Variants in EYS observed in about 807,000 individuals in gnomAD.
The protein encoded by EYS is protein eyes shut homolog.
Under a neutral mutation model 282.1 loss-of-function variants are expected in EYS, and 250 were observed. That is an observed-to-expected ratio of 0.89 (90% CI 0.80 to 0.98). EYS has a LOEUF of 0.98. EYS is among the 50% of genes least tolerant of loss of function. The pLI is 0.00. For missense variants in EYS, 4,016 were observed against 3,709.0 expected (o/e 1.08, Z -2.15); for synonymous variants, 1,355 against 1,282.9 (o/e 1.06, Z -1.20).
At chr6:65,005,954 C>T (rs1307412042) in intron 13 of EYS, among the ~76,000 whole-genome samples, 1 of 152,194 alleles carries the variant, frequency 6.6e-6, no homozygotes, top group East Asian at 1.9e-4. Flanking sequence ...GAATCTACTT[C>T]CTCTGATCCC....
At chr6:64,731,404 T>G (rs1463971744) in intron 22 of EYS, among the ~76,000 whole-genome samples, 3 of 152,076 alleles carry the variant, frequency 2.0e-5, no homozygotes, top group Admixed American at 1.3e-4. Context: ...GGAAAACATT[T>G]TTGCAATCCA....
At chr6:65,167,681 TG>T (rs959236412) in intron 12 of EYS, among the ~76,000 whole-genome samples, 4 of 151,198 alleles carry the variant, frequency 2.6e-5, no homozygotes, top group Admixed American at 2.6e-4. Flanking sequence ...AGTACCTGTT[TG>T]GGGCAACTAT....
intron 12 of EYS, among the ~76,000 whole-genome samples, chr6:65,275,659 G>A (rs1473690599): frequency 1.3e-5 from 2 of 152,128 alleles, no homozygotes; most frequent in Non-Finnish European, 2.9e-5. Flanking sequence ...GGCTGTTTCT[G>A]TAGCCAATGG....
intron 5 of EYS, among the ~76,000 whole-genome samples, chr6:65,414,945 T>C (rs984320114): frequency 8.6e-5 from 13 of 151,914 alleles, no homozygotes; most frequent in Non-Finnish European, 1.8e-4. Flanking sequence ...ATAGAAAATA[T>C]AAAGATGGGA....
At chr6:64,909,279 T>C (rs1767920805) in intron 16 of EYS, among the ~76,000 whole-genome samples, 1 of 152,148 alleles carries the variant, frequency 6.6e-6, no homozygotes, top group Middle Eastern at 3.2e-3. Flanking sequence ...TATTTGTGTA[T>C]GGAGTACAGT....
At chr6:64,879,185 A>G (rs1766840955) in intron 19 of EYS, among the ~76,000 whole-genome samples, 2 of 152,234 alleles carry the variant, frequency 1.3e-5, no homozygotes, top group South Asian at 4.1e-4. Context: ...CCTCACCTCT[A>G]TCTCCACCTA....
Position 64,450,762 on chromosome 6 carries a change from G to A in EYS, c.5645-11410C>T, listed in dbSNP as rs542580013. ...CAACCTGCTCCTGAATGACTACTGG[G>A]TACATAATGAAATGAAGGCAGAAAT... is the stretch of plus-strand genomic sequence containing the variant. On this transcript the variant is annotated intron_variant, in intron 26 of 42. Coordinates refer to ENST00000503581, the MANE Select transcript of EYS (RefSeq NM_001142800.2). Among the ~76,000 whole-genome samples, 8 of 152,214 alleles carry A rather than the reference G, an allele frequency of 5.3e-5. No individual in the cohort carries two copies. The South Asian group carries it at 1.2e-3, about 24-fold the overall frequency.
At chr6:65,379,686 T>G (rs182660114) in intron 8 of EYS, among the ~76,000 whole-genome samples, 26 of 152,176 alleles carry the variant, frequency 1.7e-4, no homozygotes, top group Admixed American at 3.3e-4. Context: ...TGTGTCTGTT[T>G]GCAGAATACA....
intron 2 of EYS, among the ~76,000 whole-genome samples, chr6:65,617,758 T>C (rs1258146858): frequency 7.0e-6 from 1 of 142,578 alleles, no homozygotes; most frequent in Admixed American, 7.5e-5. Context: ...TGTGTCCATG[T>C]GTTCTCATTG....
In EYS at chr6:65,564,166, A is replaced by T. The variant is rs59741236; in HGVS notation, c.-332-68173T>A. Among the ~76,000 whole-genome samples the T allele has an allele frequency of 5.2e-3, 788 of 152,326 alleles. 5 individuals carry two copies. Among genetic ancestry groups the T allele is most frequent in the African/African-American group, 0.017 (717 of 41,574 alleles). On this transcript the variant is annotated intron_variant, in intron 2 of 42. Coordinates refer to ENST00000503581, the MANE Select transcript of EYS (RefSeq NM_001142800.2). ...AAACATTGCGTGCTCATAGATAGGA[A>T]TAACCAATATTGAAAAAATGGCCAT...
At chr6:65,430,124 C>T (rs1310007008) in intron 5 of EYS, among the ~76,000 whole-genome samples, 3 of 152,090 alleles carry the variant, frequency 2.0e-5, no homozygotes, top group African/African-American at 7.2e-5. Context: ...GAATAGAAGG[C>T]TCCATCAATC....
At chr6:64,236,255 G>A (rs1766602958) in intron 30 of EYS, among the ~76,000 whole-genome samples, 1 of 152,158 alleles carries the variant, frequency 6.6e-6, no homozygotes, top group Non-Finnish European at 1.5e-5. Flanking sequence ...TTACGGGCGT[G>A]AGCAACCGTA....
rs149695644 is a variant in EYS at position 63,918,673 on chromosome 6, A to C, written c.7056-54315T>G. 5.9e-3 allele frequency among the ~76,000 whole-genome samples: 894 copies of C among 152,312 alleles called. 8 individuals are homozygous for C. The highest frequency in any genetic ancestry group is 0.02 in the African/African-American group (818 of 41,580). On this transcript the variant is annotated intron_variant, in intron 35 of 42. Transcript: ENST00000503581. ...GAATTAGCCAGGTGGCAGCAAGGGT[A>C]TTCAAAGCCAGCAGCACTCACCTCA... is the stretch of plus-strand genomic sequence containing the variant.
At chr6:63,848,323 T>C (rs1772152790) in intron 36 of EYS, among the ~76,000 whole-genome samples, 1 of 152,040 alleles carries the variant, frequency 6.6e-6, no homozygotes, top group Non-Finnish European at 1.5e-5. Context: ...CTTAATTGTA[T>C]TGGGGTCTGT....
At chr6:65,669,930 A>ATG (rs1339634290) in intron 1 of EYS, among the ~76,000 whole-genome samples, 1 of 152,066 alleles carries the variant, frequency 6.6e-6, no homozygotes, top group Non-Finnish European at 1.5e-5. Flanking sequence ...TACTTGTGAT[A>ATG]GCATTAATGG....
At chr6:64,989,462 A>AATATATATAT (rs372288581) in intron 14 of EYS, among the ~76,000 whole-genome samples, 5 of 101,176 alleles carry the variant, frequency 4.9e-5, no homozygotes, top group Admixed American at 1.1e-4. Flanking sequence ...GGCTAGCTGT[A>AATATATATAT]ATATATATAT....
At chr6:64,081,377 T>C (rs1303804361) in intron 32 of EYS, among the ~76,000 whole-genome samples, 1 of 152,012 alleles carries the variant, frequency 6.6e-6, no homozygotes, top group Non-Finnish European at 1.5e-5. Flanking sequence ...AGACATTTCC[T>C]TAAGCAAATA....
chr6:64,564,421 G>GGGCC (rs1323623384), intron 26 of EYS, among the ~76,000 whole-genome samples: 9 of 151,182 alleles, frequency 6.0e-5, no homozygotes, highest in Non-Finnish European at 1.2e-4. Context: ...GGGACTACAG[G>GGGCC]TGCACACCAC....
At chr6:65,458,976 T>C (rs1054642917) in intron 5 of EYS, among the ~76,000 whole-genome samples, 1 of 152,112 alleles carries the variant, frequency 6.6e-6, no homozygotes, top group Non-Finnish European at 1.5e-5. Flanking sequence ...TGCAAAATAA[T>C]CTTACAAAAA....
Sources: gnomAD v4.1 joint callset for allele counts (sites outside exome capture counted in the v4.1 genomes callset) on GRCh38, gnomAD v4.1.1 for gene constraint, MANE v1.5 for transcripts, NCBI Gene and HGNC (gene_info 2026-07-23, HGNC 2026-07-21) for gene names.